EPHB2: variants seen among roughly 807,000 people sequenced by gnomAD.
EPHB2 encodes the protein EPH receptor B2.
EPHB2 carries 18 observed loss-of-function variants against 96.4 expected under a neutral mutation model. The ratio of observed to expected loss-of-function variants is 0.19; its 90% CI spans 0.13 to 0.28. The LOEUF (loss-of-function observed/expected upper bound fraction) is 0.28, where lower values mean the gene tolerates loss of function less well. Ranked by LOEUF, EPHB2 falls within the 10% of genes least tolerant of loss-of-function variation. The pLI is 1.00. For synonymous variants in EPHB2, 506 were observed against 534.1 expected, an observed-to-expected ratio of 0.95 and a Z score of 0.72; for missense variants, 989 against 1,355.4, an observed-to-expected ratio of 0.73 and a Z score of 4.25.
rs750091523 is a variant in EPHB2, at chr1:22,808,882, A to G, written c.811+23806A>G. Among the ~76,000 whole-genome samples the G allele has an allele frequency of 1.3e-5, 2 of 152,154 alleles. 1 individual carries two copies. The highest frequency in any genetic ancestry group is 2.9e-5 in the Non-Finnish European group (2 of 68,008). ...CTCCAGAGTCATGCTCTCAACCACT[A>G]TGCCATATGTCCTGTCCTCCATCGT... On this transcript the variant is annotated intron_variant, in intron 3 of 15. Transcript: ENST00000374630.
At chr1:22,893,256 T>C (rs1639450901) in intron 7 of EPHB2, among the ~76,000 whole-genome samples, 2 of 152,192 alleles carry the variant, frequency 1.3e-5, no homozygotes, top group African/African-American at 4.8e-5. Flanking sequence ...CCAGGCCACT[T>C]CCTTTCCCAG....
chr1:22,837,901 T>A (rs1645407507), intron 3 of EPHB2, among the ~76,000 whole-genome samples: 1 of 151,462 alleles, frequency 6.6e-6, no homozygotes, highest in Non-Finnish European at 1.5e-5. Flanking sequence ...TTGGGTCTAA[T>A]GACCCCTTCC....
chr1:22,753,699 C>A (rs1433718523), intron 1 of EPHB2, among the ~76,000 whole-genome samples: 1 of 136,838 alleles, frequency 7.3e-6, no homozygotes, highest in Non-Finnish European at 1.5e-5. Context: ...GTGGACGGGC[C>A]CCCTGGGGAC....
chr1:22,713,464 T>A (rs1389105232), intron 1 of EPHB2, among the ~76,000 whole-genome samples: 1 of 152,196 alleles, frequency 6.6e-6, no homozygotes, highest in Non-Finnish European at 1.5e-5. Flanking sequence ...GTGAGAGTGA[T>A]GACAGCGCCT....
At chr1:22,829,558 C>G (rs1457856557) in intron 3 of EPHB2, among the ~76,000 whole-genome samples, 1 of 152,258 alleles carries the variant, frequency 6.6e-6, no homozygotes, top group African/African-American at 2.4e-5. Context: ...ATCAAACACC[C>G]TTCCCCCATC....
At chr1:22,755,018 C>A (rs1297927613) in intron 1 of EPHB2, among the ~76,000 whole-genome samples, 3 of 135,444 alleles carry the variant, frequency 2.2e-5, no homozygotes, top group African/African-American at 8.2e-5. Context: ...GCCCTGAGCC[C>A]GAGGCCCCCC....
chr1:22,791,051 A>G (rs1228889592), intron 3 of EPHB2, among the ~76,000 whole-genome samples: 1 of 152,072 alleles, frequency 6.6e-6, no homozygotes, highest in Non-Finnish European at 1.5e-5. Context: ...CCCTCTCCCA[A>G]CCTTTGTTTT....
At chr1:22,888,136 G>T (rs896913477) in intron 6 of EPHB2, among the ~76,000 whole-genome samples, 1 of 152,128 alleles carries the variant, frequency 6.6e-6, no homozygotes. Context: ...CCGTCTCCCG[G>T]GTTCAAGTGA....
chr1:22,775,354 G>T (rs1644435378), intron 1 of EPHB2: 2 of 734,132 alleles, frequency 2.7e-6, no homozygotes, highest in African/African-American at 3.4e-5. Flanking sequence ...CCTGGCCAGC[G>T]CTTGGCATGT....
At chr1:22,805,072 AC>A (rs1003979619) in intron 3 of EPHB2, among the ~76,000 whole-genome samples, 1 of 147,726 alleles carries the variant, frequency 6.8e-6, no homozygotes, top group African/African-American at 2.5e-5. Context: ...ACAGGTACCT[AC>A]ATACCAGGGC....
rs1368925967 is a variant in EPHB2, at chr1:22,906,013, G to A, written c.1792G>A (p.Asp598Asn). ...GACCCCAGGCATGAAGATCTACATCGATCCTTTCACCTACGAGGACCCCAA... is the reference window on the plus strand; with the variant it reads ...GACCCCAGGCATGAAGATCTACATCAATCCTTTCACCTACGAGGACCCCAA... ...HMTPGMKIYI[D>N]PFTYEDPNEA... The change falls in exon 10 of 16, where the codon GAT (aspartate) becomes AAT (asparagine). Residue 598 changes from aspartate (D) to asparagine (N), a missense_variant. Physicochemically the swap from Asp to Asn is conservative, Grantham distance 23. Coordinates refer to ENST00000374630, the MANE Select transcript of EPHB2 (RefSeq NM_017449.5). This position sits in a 1 kb window ranked among gnomAD's most constrained non-coding sequence, Gnocchi z 4.8. 4 of 1,614,184 alleles carry A rather than the reference G, an allele frequency of 2.5e-6. No individual in the cohort carries two copies. The highest frequency in any genetic ancestry group is 1.7e-4 in the Middle Eastern group (1 of 6,060).
intron 1 of EPHB2, among the ~76,000 whole-genome samples, chr1:22,742,967 C>G (rs1479718619): frequency 6.6e-6 from 1 of 151,668 alleles, no homozygotes; most frequent in South Asian, 2.1e-4. Flanking sequence ...TCATGGCTCA[C>G]TGCAGCCTCA....
chr1:22,789,187 C>T (rs1438218918), intron 3 of EPHB2, among the ~76,000 whole-genome samples: 3 of 152,198 alleles, frequency 2.0e-5, no homozygotes, highest in Non-Finnish European at 2.9e-5. Context: ...CTAGCCCAGC[C>T]CCAACACCAC....
chr1:22,883,089 C>T (rs1416094979), intron 6 of EPHB2, among the ~76,000 whole-genome samples: 1 of 152,252 alleles, frequency 6.6e-6, no homozygotes, highest in Non-Finnish European at 1.5e-5. Context: ...ATCCCAGCTC[C>T]GTCCTTCACC....
intron 3 of EPHB2, among the ~76,000 whole-genome samples, chr1:22,797,207 C>G (rs1335240588): frequency 6.6e-6 from 1 of 152,158 alleles, no homozygotes; most frequent in Non-Finnish European, 1.5e-5. Context: ...GACTCCCGTT[C>G]CTAGGGCTCA....
chr1:22,874,756 C>T (rs116815181), intron 5 of EPHB2, among the ~76,000 whole-genome samples: 3,273 of 152,206 alleles, frequency 0.022, 113 homozygotes, highest in African/African-American at 0.075. Flanking sequence ...AATTGCCACC[C>T]TAGAGAGGGG....
At chr1:22,831,037 A>G (rs902224653) in intron 3 of EPHB2, among the ~76,000 whole-genome samples, 3 of 152,218 alleles carry the variant, frequency 2.0e-5, no homozygotes, top group Non-Finnish European at 4.4e-5. Context: ...GTAATGCTCC[A>G]CGTTGACTAC....
Position 22,846,774 on chromosome 1 carries a change from C to T in EPHB2, c.812-16263C>T, listed in dbSNP as rs763862329. Among the ~76,000 whole-genome samples the T allele has an allele frequency of 2.6e-4, 40 of 152,210 alleles. No homozygotes were observed. The highest frequency in any genetic ancestry group is 6.3e-4 in the African/African-American group (26 of 41,456). ...TGTCTTGTCATTCTTAGTCTTCCAA[C>T]GCAGCTCAAGTGTTTGCACCTCCAG... On this transcript the variant is annotated intron_variant, in intron 3 of 15. Coordinates refer to ENST00000374630, the MANE Select transcript of EPHB2 (RefSeq NM_017449.5). The surrounding 1 kb of genome is among the most constrained non-coding windows in gnomAD (Gnocchi z 4.3).
chr1:22,743,814 C>T (rs191983870), intron 1 of EPHB2, among the ~76,000 whole-genome samples: 1 of 152,340 alleles, frequency 6.6e-6, no homozygotes, highest in Non-Finnish European at 1.5e-5. Context: ...GCTCTGAGTA[C>T]AGTGCCTGGC....
Sources: gnomAD v4.1 joint callset for allele counts (sites outside exome capture counted in the v4.1 genomes callset) on GRCh38, gnomAD v4.1.1 for gene constraint, Gnocchi (gnomAD v3.1) non-coding constraint, MANE v1.5 for transcripts, NCBI Gene and HGNC (gene_info 2026-07-23, HGNC 2026-07-21) for gene names.